Variants in TVP23A observed in about 807,000 individuals in gnomAD.
TVP23A encodes the protein Golgi apparatus membrane protein TVP23 homolog A.
TVP23A carries 21 observed loss-of-function variants against 31.7 expected under a neutral mutation model. The ratio of observed to expected loss-of-function variants is 0.66; its 90% CI spans 0.47 to 0.95. The LOEUF (loss-of-function observed/expected upper bound fraction) is 0.95. TVP23A is among the 40% of genes least tolerant of loss of function. The probability of loss-of-function intolerance (pLI) is 0.00; values close to 1 mark genes in which losing one functional copy is unlikely to be tolerated. For missense variants in TVP23A, 279 were observed against 255.6 expected, an observed-to-expected ratio of 1.09 and a Z score of -0.62; for synonymous variants, 104 against 96.0, an observed-to-expected ratio of 1.08 and a Z score of -0.49.
chr16:10,787,370 G>A (rs1468266514), intron 2 of TVP23A, among the ~76,000 whole-genome samples: 1 of 152,132 alleles, frequency 6.6e-6, no homozygotes, highest in Admixed American at 6.5e-5. Context: ...GCTTGCACAG[G>A]TGAAGGCCAA....
intron 2 of TVP23A, among the ~76,000 whole-genome samples, chr16:10,788,196 T>C (rs1402357342): frequency 6.6e-6 from 1 of 152,100 alleles, no homozygotes; most frequent in Admixed American, 6.6e-5. Context: ...TGATTGGCAA[T>C]TGGTTGAGTT....
In TVP23A at chr16:10,818,621, C is replaced by A. The variant is rs1400362393; in HGVS notation, c.-128G>T. ...GGTGGACGCTGAGGGTCGGGGCCTG[C>A]GCCCTGTGGGGCAGCCTCAGCGCAG... On this transcript the variant is annotated 5_prime_UTR_variant, in exon 1 of 8. Coordinates refer to ENST00000299866, the MANE Select transcript of TVP23A (RefSeq NM_001079512.4). The surrounding 1 kb of genome is among the most constrained non-coding windows in gnomAD (Gnocchi z 4.7). 24 of 1,217,860 alleles carry A rather than the reference C, an allele frequency of 2.0e-5. No individual in the cohort carries two copies. In the East Asian group the frequency reaches 3.4e-4, roughly 17 times the overall value. 75.4% of individuals were successfully genotyped at this position (1,217,860 alleles called of 1,614,324 possible).
intron 2 of TVP23A, among the ~76,000 whole-genome samples, chr16:10,813,909 G>C (rs749171450): frequency 1.5e-5 from 2 of 136,038 alleles, no homozygotes; most frequent in African/African-American, 5.3e-5. Flanking sequence ...TGAGGCAGGA[G>C]AATCACTTGA....
chr16:10,796,931 G>A (rs559662347), intron 2 of TVP23A, among the ~76,000 whole-genome samples: 11 of 152,176 alleles, frequency 7.2e-5, no homozygotes, highest in South Asian at 6.2e-4. Flanking sequence ...ATCTGGGCAC[G>A]GTGGCTCATG....
chr16:10,776,307 G>A lies in TVP23A; in HGVS notation c.90-1211C>T, dbSNP rs145967077. Among the ~76,000 whole-genome samples the A allele has an allele frequency of 9.9e-4, 150 of 152,064 alleles. 1 individual carries two copies. Among genetic ancestry groups the A allele is most frequent in the African/African-American group, 3.0e-3 (124 of 41,484 alleles). ...GGAGAATCACTAGAACCTGGGAGGC[G>A]GAGGTTGCAGTGAGCCAAGATCACG... On this transcript the variant is annotated intron_variant, in intron 2 of 7. Coordinates refer to ENST00000299866, the MANE Select transcript of TVP23A (RefSeq NM_001079512.4).
intron 2 of TVP23A, among the ~76,000 whole-genome samples, chr16:10,788,493 C>T (rs1004765403): frequency 3.9e-5 from 6 of 152,046 alleles, no homozygotes; most frequent in African/African-American, 1.5e-4. Flanking sequence ...TCAGGCTGGT[C>T]TCTGTTGGGG....
downstream of TVP23A, among the ~76,000 whole-genome samples, chr16:10,764,056 G>A (rs1266440288): frequency 6.6e-6 from 1 of 151,484 alleles, no homozygotes; most frequent in African/African-American, 2.4e-5. Context: ...GCCCAAAGGA[G>A]CATCTCAGCC....
At chr16:10,801,346 G>C (rs929015281) in intron 2 of TVP23A, among the ~76,000 whole-genome samples, 3 of 152,174 alleles carry the variant, frequency 2.0e-5, no homozygotes, top group South Asian at 2.1e-4. Flanking sequence ...CCAAATTAAA[G>C]TGTATTCCTC....
At chr16:10,761,513 C>T (rs1229184392) in exon 9 of TVP23A, 1 of 1,533,834 alleles carries the variant, frequency 6.5e-7, no homozygotes, top group Non-Finnish European at 9.0e-7. Context: ...CAAGATCTTG[C>T]TCTCATGGAT....
At chr16:10,802,348 C>G (rs964850583) in intron 2 of TVP23A, among the ~76,000 whole-genome samples, 1 of 150,048 alleles carries the variant, frequency 6.7e-6, no homozygotes, top group African/African-American at 2.5e-5. Flanking sequence ...GGTGTGATCT[C>G]GGCTCACTGC....
At chr16:10,812,255 A>AT (rs2034239592) in intron 2 of TVP23A, among the ~76,000 whole-genome samples, 1 of 152,218 alleles carries the variant, frequency 6.6e-6, no homozygotes, top group Non-Finnish European at 1.5e-5. Flanking sequence ...AACACAGTCA[A>AT]TAACAATGTT....
chr16:10,804,828 C>T (rs895651035), intron 2 of TVP23A, among the ~76,000 whole-genome samples: 1 of 152,146 alleles, frequency 6.6e-6, no homozygotes, highest in Non-Finnish European at 1.5e-5. Flanking sequence ...ACAAAATTAA[C>T]CATTTTAAAG....
chr16:10,802,711 A>AT (rs1475199460), intron 2 of TVP23A, among the ~76,000 whole-genome samples: 3 of 152,136 alleles, frequency 2.0e-5, no homozygotes, highest in Non-Finnish European at 2.9e-5. Context: ...TCAAAATATC[A>AT]TTTTCCAATT....
At chr16:10,774,265 G>T in intron 3 of TVP23A, 137 bp from the exon 4 acceptor site, 1 of 564,870 alleles carries the variant, frequency 1.8e-6, no homozygotes, top group Non-Finnish European at 3.1e-6. Flanking sequence ...AATTGTAGTG[G>T]ATTCTCAGAT....
chr16:10,789,807 G>C (rs983278027), intron 2 of TVP23A, among the ~76,000 whole-genome samples: 2 of 148,582 alleles, frequency 1.3e-5, no homozygotes, highest in African/African-American at 5.0e-5. Flanking sequence ...CTCCAGCCTG[G>C]ATGACAGAGT....
chr16:10,794,333 C>T (rs1020284213), intron 2 of TVP23A, among the ~76,000 whole-genome samples: 1 of 152,208 alleles, frequency 6.6e-6, no homozygotes, highest in South Asian at 2.1e-4. Context: ...CCCTGTGTCT[C>T]TATCCTCACA....
rs984232917 is a variant in TVP23A, at chr16:10,801,702, C to T, written c.89+16401G>A. 4.6e-5 allele frequency among the ~76,000 whole-genome samples: 7 copies of T among 152,272 alleles called. No individual in the cohort carries two copies. In the East Asian group the frequency reaches 9.6e-4, roughly 21 times the overall value. ...AACTCCTGAGCTCAGGCGATCCTCC[C>T]GTCTCAGCCTCCCAAAAGATTACAG... On this transcript the variant is annotated intron_variant, in intron 2 of 7. Coordinates refer to ENST00000299866, the MANE Select transcript of TVP23A (RefSeq NM_001079512.4).
chr16:10,796,118 C>T (rs2142993899), intron 2 of TVP23A, among the ~76,000 whole-genome samples: 1 of 152,134 alleles, frequency 6.6e-6, no homozygotes, highest in South Asian at 2.1e-4. Flanking sequence ...GAGGCTGAGG[C>T]AAGAGGATCG....
intron 2 of TVP23A, among the ~76,000 whole-genome samples, chr16:10,816,623 C>T (rs2034450337): frequency 1.3e-5 from 2 of 152,030 alleles, no homozygotes; most frequent in South Asian, 4.2e-4. Context: ...CAGGTGTGAG[C>T]CATGCACTCA....
Sources: allele counts gnomAD v4.1 joint callset (sites outside exome capture counted in the v4.1 genomes callset), GRCh38; gene constraint gnomAD v4.1.1; non-coding constraint Gnocchi (gnomAD v3.1); transcripts MANE v1.5; gene names NCBI Gene and HGNC (gene_info 2026-07-23, HGNC 2026-07-21).